SMARCC2: variants seen among roughly 807,000 people sequenced by gnomAD.
SMARCC2 encodes SWI/SNF related BAF chromatin remodeling complex subunit C2, also known as SWI/SNF complex subunit SMARCC2.
SMARCC2 carries 15 observed loss-of-function variants against 151.3 expected under a neutral mutation model. The observed-to-expected ratio is 0.10, with a 90% confidence interval of 0.07 to 0.15. The LOEUF (loss-of-function observed/expected upper bound fraction) is 0.15. SMARCC2 is among the 10% of genes least tolerant of loss of function. The pLI is 1.00. For missense variants in SMARCC2, 1,031 were observed against 1,599.7 expected (o/e 0.64, Z 6.06); for synonymous variants, 590 against 609.5 (o/e 0.97, Z 0.47).
intron 27 of SMARCC2, among the ~76,000 whole-genome samples, chr12:56,165,022 G>A (rs1028370014): frequency 1.3e-5 from 2 of 152,110 alleles, no homozygotes; most frequent in African/African-American, 4.8e-5. Flanking sequence ...TCCTGACCTC[G>A]TGATCCACCC....
Position 56,169,924 on chromosome 12 carries a change from T to G in SMARCC2, c.2413-13A>C. The G allele has an allele frequency of 6.2e-7, 1 of 1,612,696 alleles. No homozygotes were observed. Among genetic ancestry groups the G allele is most frequent in the Non-Finnish European group, 8.5e-7 (1 of 1,179,464 alleles). Reference sequence around the variant, plus strand: ...CTTCTCGGGGTTCCTGAAATTCCAGTGATAGAAAAGGAGAGTTATCAGGGA... The same window carrying G: ...CTTCTCGGGGTTCCTGAAATTCCAGGGATAGAAAAGGAGAGTTATCAGGGA... On this transcript the variant is annotated splice_polypyrimidine_tract_variant and intron_variant, in intron 23 of 28. Coordinates refer to ENST00000550164, the MANE Select transcript of SMARCC2 (RefSeq NM_001330288.2).
chr12:56,165,725 A>G, intron 26 of SMARCC2, 26 bp from the exon 27 acceptor site: 1 of 1,602,862 alleles, frequency 6.2e-7, no homozygotes. Context: ...GAGTATTGTT[A>G]TCCAATTTTC....
intron 2 of SMARCC2, 109 bp from the exon 3 acceptor site, chr12:56,186,349 CTTTTTTT>C (rs371880557): frequency 5.6e-6 from 3 of 537,040 alleles, no homozygotes; most frequent in African/African-American, 2.1e-5. Context: ...ATTGATCTCC[CTTTTTTT>C]TTTTTTTTTT....
In SMARCC2 at chr12:56,189,354, C is replaced by T. The variant is rs746504858; in HGVS notation, c.108G>A (p.Lys36=). The T allele has an allele frequency of 3.3e-6, 5 of 1,518,828 alleles. No homozygotes were observed. Among genetic ancestry groups the T allele is most frequent in the Non-Finnish European group, 4.4e-6 (5 of 1,125,912 alleles). 94.1% of individuals were successfully genotyped at this position (1,518,828 alleles called of 1,614,324 possible). The change falls in exon 1 of 29, where the codon AAG becomes AAA. Residue 36 remains lysine (K), a synonymous_variant. Transcript: ENST00000550164. ...NVRLWLGKNY[K]KYIQAEPPTN... is the part of the protein sequence containing the mutation. ...CGGCCCGGCCCGGCCCGCGTACCTT[C>T]TTGTAGTTCTTGCCGAGCCACAGCC...
chr12:56,180,408 C>CATGCTCAAATATATTTTA, intron 11 of SMARCC2, among the ~76,000 whole-genome samples: 1 of 149,486 alleles, frequency 6.7e-6, no homozygotes. Flanking sequence ...CGTGCCCGGC[C>CATGCTCAAATATATTTTA]CTTTTTTTTT....
Position 56,170,171 on chromosome 12 carries a change from C to T in SMARCC2, c.2385G>A (p.Gln795=), listed in dbSNP as rs1873646114. 6.2e-7 allele frequency: 1 copy of T among 1,613,866 alleles called. No homozygotes were observed. Among genetic ancestry groups the T allele is most frequent in the Non-Finnish European group, 8.5e-7 (1 of 1,179,872 alleles). The stretch of plus-strand genomic sequence containing the variant: ...TGGGCTCCTTCTTCTCATCTGTGGC[C>T]TGGCCTTCCACCCGAGCCTCGTCAT... ...SGNDEARVEG[Q]ATDEKKEPKE... Residue 795 remains glutamine, a synonymous_variant, in exon 23 of 29, where the codon CAG becomes CAA. Coordinates refer to ENST00000550164, the MANE Select transcript of SMARCC2 (RefSeq NM_001330288.2).
At chr12:56,177,516 G>A (rs1291043691) in intron 15 of SMARCC2, among the ~76,000 whole-genome samples, 5 of 152,120 alleles carry the variant, frequency 3.3e-5, no homozygotes, top group Admixed American at 3.3e-4. Flanking sequence ...CAAGTAGCTG[G>A]GATGATTTAC....
Position 56,170,222 on chromosome 12 carries a change from A to AAAAG in SMARCC2, c.2348-18_2348-15dup. Reference sequence around the variant, plus strand: ...TCCCGCTCTCCTCTGGGCCCATGAGAAAAGAAAGAAAACAGGAAATGTTTA... The same window carrying AAAAG: ...TCCCGCTCTCCTCTGGGCCCATGAGAAAAGAAAGAAAGAAAACAGGAAATGTTTA... On this transcript the variant is annotated splice_polypyrimidine_tract_variant and intron_variant, in intron 22 of 28. Coordinates refer to ENST00000550164, the MANE Select transcript of SMARCC2 (RefSeq NM_001330288.2). 1 of 1,609,776 alleles carries AAAAG rather than the reference A, an allele frequency of 6.2e-7. No homozygotes were observed. Among genetic ancestry groups the AAAAG allele is most frequent in the South Asian group, 1.1e-5 (1 of 90,976 alleles).
rs756480414 is a variant in SMARCC2 at position 56,164,262 on chromosome 12, C to T, written c.3661+41G>A. ...CCCGCTCACCCTCCCTCCAGGTGGACCCCTCTCCCTCACCCTTCTCCCCTC... is the reference window on the plus strand; with the variant it reads ...CCCGCTCACCCTCCCTCCAGGTGGATCCCTCTCCCTCACCCTTCTCCCCTC... On this transcript the variant is annotated intron_variant, in intron 28 of 28. Coordinates refer to ENST00000550164, the MANE Select transcript of SMARCC2 (RefSeq NM_001330288.2). 10 of 1,587,628 alleles carry T rather than the reference C, an allele frequency of 6.3e-6. No homozygotes were observed. The African/African-American group carries it at 1.3e-4, about 21-fold the overall frequency.
chr12:56,167,934 T>C lies in SMARCC2; in HGVS notation c.2850+126A>G, dbSNP rs1037752441. On this transcript the variant is annotated intron_variant, in intron 26 of 28. Coordinates refer to ENST00000550164, the MANE Select transcript of SMARCC2 (RefSeq NM_001330288.2). Reference sequence around the variant, plus strand: ...CACTCAGGCTTTCCCCACTGTTGCTTATCTCTCTTTCACTGAAACACACAC... The same window carrying C: ...CACTCAGGCTTTCCCCACTGTTGCTCATCTCTCTTTCACTGAAACACACAC... 13 of 1,089,378 alleles carry C rather than the reference T, an allele frequency of 1.2e-5. No homozygotes were observed. The African/African-American group carries it at 2.0e-4, about 17-fold the overall frequency. The allele number at this position is 1,089,378 out of a possible 1,614,324, so 67.5% of individuals were successfully genotyped here.
At chr12:56,184,604 T>C (rs1252142926) in intron 5 of SMARCC2, 3 of 555,734 alleles carry the variant, frequency 5.4e-6, no homozygotes, top group Non-Finnish European at 9.6e-6. Context: ...TAGAAGTGGA[T>C]ACTATTTTTC....
At chr12:56,182,417 C>T (rs1160388827) in intron 7 of SMARCC2, among the ~76,000 whole-genome samples, 1 of 151,326 alleles carries the variant, frequency 6.6e-6, no homozygotes, top group Admixed American at 6.6e-5. Context: ...CTCCGCCTCC[C>T]GGGTTCAAGC....
In SMARCC2 at chr12:56,164,655, G is replaced by A. The variant is rs1321023892; in HGVS notation, c.3309C>T (p.Gly1103=). 3.1e-6 allele frequency: 5 copies of A among 1,612,470 alleles called. No individual in the cohort carries two copies. The highest frequency in any genetic ancestry group is 1.1e-5 in the South Asian group (1 of 90,822). The change falls in exon 28 of 29, where the codon GGC becomes GGT. Residue 1103 remains glycine, a synonymous_variant. Transcript: ENST00000550164. ...PGAVPGSGHP[G]VAGNAPLGLP... ...AACCCAAAGGAGCATTACCCGCCAC[G>A]CCTGGGTGCCCGCTGCCTGGCACTG...
In SMARCC2 at chr12:56,184,167, G is replaced by C. The variant is rs919087595; in HGVS notation, c.562+8C>G. ...CCACTCAAGTGGACAGGAAAACCCAGGTCTCACCTTCTTCTAGATTCCCCG... is the reference window on the plus strand; with the variant it reads ...CCACTCAAGTGGACAGGAAAACCCACGTCTCACCTTCTTCTAGATTCCCCG... On this transcript the variant is annotated splice_region_variant and intron_variant, in intron 6 of 28. Transcript: ENST00000550164. The C allele has an allele frequency of 6.2e-7, 1 of 1,609,464 alleles. No individual in the cohort carries two copies. Among genetic ancestry groups the C allele is most frequent in the Admixed American group, 1.7e-5 (1 of 59,948 alleles).
At chr12:56,179,142 C>A in intron 11 of SMARCC2, 86 bp from the exon 12 acceptor site, 1 of 1,167,672 alleles carries the variant, frequency 8.6e-7, no homozygotes, top group Non-Finnish European at 1.3e-6. Flanking sequence ...CTACTTTCTC[C>A]AAAAATTGTC....
intron 6 of SMARCC2, 52 bp downstream of exon 6, chr12:56,184,123 G>T: frequency 7.3e-7 from 1 of 1,369,014 alleles, no homozygotes; most frequent in Non-Finnish European, 1.0e-6. Context: ...TTAGTCCTCT[G>T]CCTCCTAGTC....
chr12:56,167,259 G>A (rs1872966723), intron 26 of SMARCC2, among the ~76,000 whole-genome samples: 1 of 151,954 alleles, frequency 6.6e-6, no homozygotes, highest in Admixed American at 6.6e-5. Context: ...GCTGAGGCAG[G>A]AGAATCGCTT....
intron 22 of SMARCC2, 28 bp from the exon 23 acceptor site, chr12:56,170,236 A>C: frequency 6.3e-7 from 1 of 1,596,132 alleles, no homozygotes; most frequent in Non-Finnish European, 8.6e-7. Flanking sequence ...GAAAGAAAAC[A>C]GGAAATGTTT....
chr12:56,189,429 G>A lies in SMARCC2; in HGVS notation c.33C>T (p.Asn11=). The A allele has an allele frequency of 1.3e-6, 2 of 1,512,506 alleles. No homozygotes were observed. The highest frequency in any genetic ancestry group is 1.2e-5 in the South Asian group (1 of 80,254). The allele number at this position is 1,512,506 out of a possible 1,614,324, so 93.7% of individuals were successfully genotyped here. MAVRKKDGGP[N]VKYYEAADTV... ...TGTCCGCGGCCTCGTAGTACTTCAC[G>A]TTGGGGCCGCCGTCCTTCTTCCGCA... The change falls in exon 1 of 29, where the codon AAC becomes AAT. Residue 11 remains asparagine (N), a synonymous_variant. Transcript: ENST00000550164.
Sources: gnomAD v4.1 joint callset for allele counts (sites outside exome capture counted in the v4.1 genomes callset) on GRCh38, gnomAD v4.1.1 for gene constraint, MANE v1.5 for transcripts, NCBI Gene and HGNC (gene_info 2026-07-23, HGNC 2026-07-21) for gene names.